Variants in FZD3 observed in about 807,000 individuals in gnomAD.
The protein encoded by FZD3 is frizzled-3.
Under a neutral mutation model 60.7 loss-of-function variants are expected in FZD3, and 30 were observed. That is an observed-to-expected ratio of 0.49 (90% CI 0.37 to 0.67). FZD3 has a LOEUF of 0.67. Among genes scored for constraint, FZD3 ranks in the 30% least tolerant of loss-of-function variants. The probability of loss-of-function intolerance (pLI) is 0.00; values close to 1 mark genes in which losing one functional copy is unlikely to be tolerated. For missense variants in FZD3, 605 were observed against 838.7 expected (o/e 0.72, Z 3.44); for synonymous variants, 246 against 275.2 (o/e 0.89, Z 1.05).
intron 5 of FZD3, among the ~76,000 whole-genome samples, chr8:28,542,929 C>A (rs931731196): frequency 6.6e-6 from 1 of 152,148 alleles, no homozygotes; most frequent in Non-Finnish European, 1.5e-5. Flanking sequence ...CAGATCAGTT[C>A]ACTTCCCTAG....
chr8:28,501,051 C>A (rs1370023626), intron 2 of FZD3, among the ~76,000 whole-genome samples: 1 of 152,194 alleles, frequency 6.6e-6, no homozygotes, highest in African/African-American at 2.4e-5. Context: ...TGAGCCACTG[C>A]GCCCTGCCCA....
chr8:28,513,259 A>G, intron 3 of FZD3, among the ~76,000 whole-genome samples: 1 of 152,186 alleles, frequency 6.6e-6, no homozygotes, highest in Non-Finnish European at 1.5e-5. Context: ...TTTGGTTTGT[A>G]AAGCTTTATC....
intron 3 of FZD3, among the ~76,000 whole-genome samples, chr8:28,508,442 T>A (rs1260672698): frequency 1.3e-5 from 2 of 151,766 alleles, no homozygotes; most frequent in Non-Finnish European, 2.9e-5. Flanking sequence ...TTTTTTTTTT[T>A]TTTTAAGGGA....
chr8:28,516,468 G>A (rs956063233), intron 3 of FZD3, among the ~76,000 whole-genome samples: 1 of 152,160 alleles, frequency 6.6e-6, no homozygotes, highest in African/African-American at 2.4e-5. Context: ...GGATTACACC[G>A]AATCTGTAGG....
intron 3 of FZD3, among the ~76,000 whole-genome samples, chr8:28,513,040 A>G (rs1804329772): frequency 6.6e-6 from 1 of 152,186 alleles, no homozygotes; most frequent in South Asian, 2.1e-4. Context: ...TCCCTAAACA[A>G]ACATCTAGCA....
rs999113712 is a variant in FZD3, at chr8:28,572,677, C to T, written c.*9666C>T. ...ATTTCCCCCTCACATCTAATGTGGA[C>T]TCAAATTTTGGCAACTGGAATGTTA... On this transcript the variant is annotated 3_prime_UTR_variant, in exon 8 of 8. Transcript: ENST00000240093. 3.3e-5 allele frequency: 5 copies of T among 152,092 alleles called. No homozygotes were observed. Among genetic ancestry groups the T allele is most frequent in the African/African-American group, 1.2e-4 (5 of 41,406 alleles). The allele number at this position is 152,092 out of a possible 1,614,324, so 9.4% of individuals were successfully genotyped here.
intron 7 of FZD3, among the ~76,000 whole-genome samples, chr8:28,556,388 A>T (rs1563406321): frequency 1.3e-5 from 2 of 152,196 alleles, no homozygotes; most frequent in Non-Finnish European, 2.9e-5. Flanking sequence ...ATGGATCTAG[A>T]ATGATAAACC....
chr8:28,563,217 C>G lies in FZD3; in HGVS notation c.*206C>G. The G allele has an allele frequency of 1.9e-6, 1 of 537,958 alleles. No individual in the cohort carries two copies. The highest frequency in any genetic ancestry group is 3.4e-6 in the Non-Finnish European group (1 of 298,026). The allele number at this position is 537,958 out of a possible 1,614,324, so 33.3% of individuals were successfully genotyped here. On this transcript the variant is annotated 3_prime_UTR_variant, in exon 8 of 8. Transcript: ENST00000240093. ...TCCAAAACACTAAGAATTCTATCAT[C>G]ACAAAAATAATTCGTCTTTCTAGGT...
intron 3 of FZD3, among the ~76,000 whole-genome samples, chr8:28,503,799 A>G (rs922398648): frequency 6.6e-5 from 10 of 152,218 alleles, no homozygotes; most frequent in African/African-American, 2.2e-4. Flanking sequence ...GCTTTGAGGT[A>G]GACAAACCTG....
In FZD3 at chr8:28,511,919, T is replaced by C. The variant is rs79746517; in HGVS notation, c.189+8717T>C. On this transcript the variant is annotated intron_variant, in intron 3 of 7. Coordinates refer to ENST00000240093, the MANE Select transcript of FZD3 (RefSeq NM_017412.4). ...TCACACATAGTAACTGCTAAATAAA[T>C]GTTTGAATTAATTCATGAACTTTAT... 4.7e-3 allele frequency among the ~76,000 whole-genome samples: 715 copies of C among 152,280 alleles called. 26 individuals are homozygous for C. In the East Asian group the frequency reaches 0.09, roughly 19 times the overall value.
chr8:28,529,349 T>G (rs538520905), intron 5 of FZD3, among the ~76,000 whole-genome samples: 1 of 152,206 alleles, frequency 6.6e-6, no homozygotes, highest in African/African-American at 2.4e-5. Context: ...CCTTTGTTAC[T>G]CTAATACTTT....
chr8:28,551,746 A>G lies in FZD3; in HGVS notation c.1548A>G (p.Lys516=). 3 of 1,600,832 alleles carry G rather than the reference A, an allele frequency of 1.9e-6. No individual in the cohort carries two copies. The highest frequency in any genetic ancestry group is 1.4e-5 in the African/African-American group (1 of 74,036). ...EWASFFHGRR[K]KEIVNESRQV... ...CCAGTTTTTTTCATGGTCGTAGGAA[A>G]AAAGAGTAAGTTGAAATAAATGATC... The change falls in exon 6 of 8, where the codon AAA becomes AAG. Residue 516 remains lysine (K), a synonymous_variant. Coordinates refer to ENST00000240093, the MANE Select transcript of FZD3 (RefSeq NM_017412.4).
At chr8:28,549,715 A>G (rs546737423) in intron 5 of FZD3, among the ~76,000 whole-genome samples, 3 of 152,318 alleles carry the variant, frequency 2.0e-5, no homozygotes, top group Admixed American at 6.5e-5. Context: ...ATTGAGATAT[A>G]GATACATAGT....
At chr8:28,539,026 T>TA (rs966269052) in intron 5 of FZD3, among the ~76,000 whole-genome samples, 1 of 151,950 alleles carries the variant, frequency 6.6e-6, no homozygotes, top group Non-Finnish European at 1.5e-5. Context: ...TCTCGTCTCT[T>TA]AAAAAAATAC....
At position 28,527,350 on chromosome 8, in the gene FZD3, A is replaced by G. The variant is rs753517207; in HGVS notation, c.590A>G (p.Glu197Gly). The change falls in exon 5 of 8, where the codon GAA becomes GGA. Residue 197 changes from glutamate (E) to glycine (G), a missense_variant. By Grantham distance (98) the Glu-to-Gly change is moderately conservative. Coordinates refer to ENST00000240093, the MANE Select transcript of FZD3 (RefSeq NM_017412.4). This position sits in a 1 kb window ranked among gnomAD's most constrained non-coding sequence, Gnocchi z 5.0. ...TGTCCAAATATGTACTTCAGAAGAG[A>G]AGAACTGTCATTTGCTCGCTATTTC... ...PPCPNMYFRR[E>G]ELSFARYFIG... is the part of the protein sequence containing the mutation. 2 of 1,613,612 alleles carry G rather than the reference A, an allele frequency of 1.2e-6. No individual in the cohort carries two copies. The highest frequency in any genetic ancestry group is 1.7e-4 in the Middle Eastern group (1 of 6,060).
In FZD3 at chr8:28,573,624, A is replaced by G. The variant is rs201679256; in HGVS notation, c.*10613A>G. 2 of 150,208 alleles carry G rather than the reference A, an allele frequency of 1.3e-5. No homozygotes were observed. Among genetic ancestry groups the G allele is most frequent in the African/African-American group, 2.5e-5 (1 of 40,666 alleles). 9.3% of individuals were successfully genotyped at this position (150,208 alleles called of 1,614,324 possible). Reference sequence around the variant, plus strand: ...CCTAGATCTCCTTCACCCTCATTCTACCTGACAGACAGCTAGGTCTGTCTT... The same window carrying G: ...CCTAGATCTCCTTCACCCTCATTCTGCCTGACAGACAGCTAGGTCTGTCTT... On this transcript the variant is annotated 3_prime_UTR_variant, in exon 8 of 8. Coordinates refer to ENST00000240093, the MANE Select transcript of FZD3 (RefSeq NM_017412.4).
chr8:28,498,301 G>A (rs1350090289), intron 1 of FZD3, among the ~76,000 whole-genome samples: 1 of 148,268 alleles, frequency 6.7e-6, no homozygotes, highest in African/African-American at 2.5e-5. Context: ...TTTTCCAGTT[G>A]ATATACTACA....
At chr8:28,544,768 G>A (rs1805256476) in intron 5 of FZD3, among the ~76,000 whole-genome samples, 1 of 152,122 alleles carries the variant, frequency 6.6e-6, no homozygotes, top group Non-Finnish European at 1.5e-5. Context: ...TGATCCCTAT[G>A]TGTCTAGTCT....
At chr8:28,542,014 T>C (rs1238957626) in intron 5 of FZD3, among the ~76,000 whole-genome samples, 1 of 152,002 alleles carries the variant, frequency 6.6e-6, no homozygotes, top group Non-Finnish European at 1.5e-5. Context: ...GAGCAAGTTT[T>C]AAAAACATAA....
Sources: gnomAD v4.1 joint callset for allele counts (sites outside exome capture counted in the v4.1 genomes callset) on GRCh38, gnomAD v4.1.1 for gene constraint, Gnocchi (gnomAD v3.1) non-coding constraint, MANE v1.5 for transcripts, NCBI Gene and HGNC (gene_info 2026-07-23, HGNC 2026-07-21) for gene names.